Variants in SLC25A17 observed in about 807,000 individuals in gnomAD.
SLC25A17 encodes peroxisomal membrane protein PMP34.
SLC25A17 carries 26 observed loss-of-function variants against 38.5 expected under a neutral mutation model. The observed-to-expected ratio is 0.68, with a 90% CI of 0.50 to 0.94. SLC25A17 has a LOEUF of 0.94. SLC25A17 is among the 40% of genes least tolerant of loss of function. The pLI is 0.00. For synonymous variants in SLC25A17, 139 were observed against 136.2 expected (o/e 1.02, Z -0.14); for missense variants, 333 against 372.7 (o/e 0.89, Z 0.88).
intron 5 of SLC25A17, 33 bp from the exon 6 acceptor site, chr22:40,777,406 T>G (rs367771293): frequency 1.1e-4 from 180 of 1,599,038 alleles, no homozygotes; most frequent in Non-Finnish European, 1.5e-4. Flanking sequence ...TTGAAAAGCA[T>G]GATCACAATC....
chr22:40,790,427 G>T (rs2057375886), intron 4 of SLC25A17, among the ~76,000 whole-genome samples: 1 of 145,526 alleles, frequency 6.9e-6, no homozygotes, highest in African/African-American at 2.5e-5. Flanking sequence ...TATTATATGT[G>T]TTACTTTAAC....
intron 5 of SLC25A17, 36 bp downstream of exon 5, chr22:40,778,973 A>T (rs371343954): frequency 1.4e-5 from 21 of 1,550,618 alleles, no homozygotes; most frequent in Non-Finnish European, 1.9e-5. Flanking sequence ...GAAGGAAGAA[A>T]ACCCTTAAAT....
At chr22:40,784,082 A>G (rs917176802) in intron 4 of SLC25A17, among the ~76,000 whole-genome samples, 1 of 152,130 alleles carries the variant, frequency 6.6e-6, no homozygotes, top group African/African-American at 2.4e-5. Context: ...ATCCTCTAAC[A>G]TACTATGTAT....
intron 4 of SLC25A17, among the ~76,000 whole-genome samples, chr22:40,786,999 A>G (rs1407609036): frequency 6.6e-6 from 1 of 152,208 alleles, no homozygotes; most frequent in Non-Finnish European, 1.5e-5. Context: ...GCCTTTAAGG[A>G]GCTTACTGTC....
chr22:40,811,995 G>GC (rs138317), intron 1 of SLC25A17, among the ~76,000 whole-genome samples: 152,016 of 152,218 alleles, frequency 1, 75,907 homozygotes, highest in Middle Eastern at 1. Context: ...GAACAATTCT[G>GC]AACTGACACC....
At chr22:40,783,914 C>T (rs1486681910) in intron 4 of SLC25A17, among the ~76,000 whole-genome samples, 2 of 152,100 alleles carry the variant, frequency 1.3e-5, no homozygotes, top group Admixed American at 1.3e-4. Flanking sequence ...CCATGTTGGC[C>T]AGGTTGGTCT....
chr22:40,800,399 A>G (rs1486258595), intron 1 of SLC25A17, among the ~76,000 whole-genome samples: 1 of 152,190 alleles, frequency 6.6e-6, no homozygotes, highest in Non-Finnish European at 1.5e-5. Context: ...TTAACTAATT[A>G]ATTAGTTAAT....
At chr22:40,803,012 G>A (rs1453790653) in intron 1 of SLC25A17, among the ~76,000 whole-genome samples, 1 of 152,158 alleles carries the variant, frequency 6.6e-6, no homozygotes, top group African/African-American at 2.4e-5. Context: ...TCATTTCTTT[G>A]TGGTGATAAT....
chr22:40,790,333 A>T (rs1337469553), intron 4 of SLC25A17, among the ~76,000 whole-genome samples: 2 of 117,356 alleles, frequency 1.7e-5, no homozygotes, highest in African/African-American at 3.5e-5. Context: ...AGAGTGAGAC[A>T]CAATCTCAAA....
chr22:40,783,995 G>A (rs1408096817), intron 4 of SLC25A17, among the ~76,000 whole-genome samples: 4 of 152,056 alleles, frequency 2.6e-5, no homozygotes, highest in African/African-American at 4.8e-5. Flanking sequence ...ATGAGCCACC[G>A]CGCCCGGCCA....
intron 4 of SLC25A17, among the ~76,000 whole-genome samples, chr22:40,784,139 T>A (rs1262776109): frequency 1.3e-5 from 2 of 152,178 alleles, no homozygotes; most frequent in Non-Finnish European, 2.9e-5. Context: ...GTAAGCTTCA[T>A]GAGGACAGAG....
chr22:40,775,436 G>GTTTTTTTTTTTTTT, intron 7 of SLC25A17, among the ~76,000 whole-genome samples: 1 of 86,858 alleles, frequency 1.2e-5, no homozygotes, highest in East Asian at 2.8e-4. Flanking sequence ...AGATCTGATG[G>GTTTTTTTTTTTTTT]TTTTTTTTTT....
At chr22:40,779,560 C>T (rs1214994850) in intron 4 of SLC25A17, 11 of 272,934 alleles carry the variant, frequency 4.0e-5, no homozygotes, top group Admixed American at 2.3e-4. Flanking sequence ...GTAGCTCACA[C>T]GGTTTGAAGT....
At chr22:40,772,632 CTT>C (rs925177899) in intron 8 of SLC25A17, among the ~76,000 whole-genome samples, 2 of 144,222 alleles carry the variant, frequency 1.4e-5, no homozygotes, top group African/African-American at 2.5e-5. Flanking sequence ...CTTGAATGTT[CTT>C]TTTTTTTTTT....
chr22:40,809,214 G>T (rs1043045403), intron 1 of SLC25A17, among the ~76,000 whole-genome samples: 2 of 151,746 alleles, frequency 1.3e-5, no homozygotes, highest in African/African-American at 2.4e-5. Flanking sequence ...TATCTTGGCC[G>T]GGCTCAGTGG....
At chr22:40,811,309 T>C (rs1360057881) in intron 1 of SLC25A17, among the ~76,000 whole-genome samples, 7 of 151,938 alleles carry the variant, frequency 4.6e-5, no homozygotes, top group African/African-American at 1.7e-4. Flanking sequence ...CAAGCTGGTC[T>C]CAAACCCCTG....
chr22:40,817,701 C>G (rs756943178), intron 1 of SLC25A17, among the ~76,000 whole-genome samples: 6 of 152,140 alleles, frequency 3.9e-5, no homozygotes, highest in Non-Finnish European at 7.4e-5. Flanking sequence ...AATTGCTTGT[C>G]CCCTGTTCCC....
At chr22:40,786,151 A>C (rs2057335989) in intron 4 of SLC25A17, among the ~76,000 whole-genome samples, 1 of 152,102 alleles carries the variant, frequency 6.6e-6, no homozygotes, top group African/African-American at 2.4e-5. Flanking sequence ...TCTCTAGGAA[A>C]ATACAAAAAA....
intron 2 of SLC25A17, 54 bp from the exon 3 acceptor site, chr22:40,794,634 T>G: frequency 8.5e-7 from 1 of 1,171,692 alleles, no homozygotes; most frequent in East Asian, 2.7e-5. Context: ...AAAATTTTTT[T>G]TTTGAGACAG....
Sources: gnomAD v4.1 joint callset for allele counts (sites outside exome capture counted in the v4.1 genomes callset) on GRCh38, gnomAD v4.1.1 for gene constraint, MANE v1.5 for transcripts, NCBI Gene and HGNC (gene_info 2026-07-23, HGNC 2026-07-21) for gene names.